CSMD1: variants seen among roughly 807,000 people sequenced by gnomAD.
The protein encoded by CSMD1 is CUB and Sushi multiple domains 1, also known as CUB and sushi domain-containing protein 1.
CSMD1 carries 213 observed loss-of-function variants against 417.5 expected under a neutral mutation model. That is an observed-to-expected ratio of 0.51 (90% confidence interval 0.46 to 0.57). The LOEUF is 0.57. Ranked by LOEUF, CSMD1 falls within the 20% of genes least tolerant of loss-of-function variation. The pLI is 0.00. For missense variants in CSMD1, 6,923 were observed against 4,529.7 expected, an observed-to-expected ratio of 1.53 and a Z score of -15.17; for synonymous variants, 2,862 against 1,736.8, an observed-to-expected ratio of 1.65 and a Z score of -16.11.
rs375242236 is a variant in CSMD1 at position 2,973,274 on chromosome 8, A to G, written c.8766T>C (p.Asp2922=). The change falls in exon 57 of 70, where the codon GAT becomes GAC. Residue 2922 remains aspartate, a synonymous_variant. Transcript: ENST00000635120. ...GAGACCCATGTGCTGGGGTCCCCGG[A>G]TCACCACAGAATCCAGGATTATTTC... ...CTGNNPGFCG[D]PGTPAHGSRL... 6.2e-6 allele frequency: 10 copies of G among 1,613,986 alleles called. No homozygotes were observed. The African/African-American group carries it at 6.7e-5, about 11-fold the overall frequency.
At chr8:3,974,829 T>A (rs1340844076) in intron 5 of CSMD1, among the ~76,000 whole-genome samples, 2 of 152,122 alleles carry the variant, frequency 1.3e-5, no homozygotes, top group Non-Finnish European at 2.9e-5. Context: ...ATGATGCAAT[T>A]AATGTTTTAC....
chr8:3,860,125 G>A (rs984225432), intron 5 of CSMD1, among the ~76,000 whole-genome samples: 8 of 152,234 alleles, frequency 5.3e-5, no homozygotes, highest in Admixed American at 5.2e-4. Flanking sequence ...GATCCCCTTT[G>A]AAGCTTAGAA....
intron 2 of CSMD1, among the ~76,000 whole-genome samples, chr8:4,546,456 C>T (rs1030579188): frequency 1.3e-5 from 2 of 152,130 alleles, no homozygotes; most frequent in Non-Finnish European, 2.9e-5. Flanking sequence ...TACCATTCCA[C>T]GGGCACCGAC....
At chr8:4,683,707 G>A (rs192257661) in intron 1 of CSMD1, among the ~76,000 whole-genome samples, 3 of 152,292 alleles carry the variant, frequency 2.0e-5, no homozygotes, top group Non-Finnish European at 4.4e-5. Flanking sequence ...GTCCCACCAG[G>A]GGTCCTGATT....
chr8:4,726,807 T>C (rs1036430057), intron 1 of CSMD1, among the ~76,000 whole-genome samples: 6 of 152,172 alleles, frequency 3.9e-5, no homozygotes, highest in Admixed American at 1.3e-4. Context: ...AACACAACAA[T>C]TGACTTGAAG....
intron 2 of CSMD1, among the ~76,000 whole-genome samples, chr8:4,587,085 TATATGACA>T (rs1464023244): frequency 1.3e-5 from 2 of 152,218 alleles, no homozygotes; most frequent in African/African-American, 4.8e-5. Flanking sequence ...TTTACTATTA[TATATGACA>T]ATATCCTACA....
chr8:4,337,464 T>C (rs138282564), intron 3 of CSMD1, among the ~76,000 whole-genome samples: 1 of 152,252 alleles, frequency 6.6e-6, no homozygotes, highest in East Asian at 1.9e-4. Context: ...CAAACCACAC[T>C]GTGATGGGAT....
chr8:4,042,808 A>G (rs1426019397), intron 3 of CSMD1, among the ~76,000 whole-genome samples: 1 of 126,624 alleles, frequency 7.9e-6, no homozygotes, highest in Non-Finnish European at 1.6e-5. Context: ...GAAGTGGTAC[A>G]ACATATTAAA....
intron 3 of CSMD1, among the ~76,000 whole-genome samples, chr8:4,112,362 G>A (rs892777984): frequency 1.3e-5 from 2 of 152,130 alleles, no homozygotes; most frequent in African/African-American, 4.8e-5. Context: ...GGGCTCCATC[G>A]CAGAGAACCC....
chr8:3,894,186 T>C (rs947243398), intron 5 of CSMD1, among the ~76,000 whole-genome samples: 13 of 152,206 alleles, frequency 8.5e-5, no homozygotes, highest in African/African-American at 2.7e-4. Flanking sequence ...TGTGTGTCTT[T>C]TGTTTGAATT....
At chr8:4,706,296 T>G (rs1466904343) in intron 1 of CSMD1, among the ~76,000 whole-genome samples, 1 of 152,074 alleles carries the variant, frequency 6.6e-6, no homozygotes, top group Non-Finnish European at 1.5e-5. Flanking sequence ...TTACCTTACA[T>G]GTACCCCATG....
chr8:3,478,081 T>C (rs958671218), intron 11 of CSMD1, among the ~76,000 whole-genome samples: 2 of 152,200 alleles, frequency 1.3e-5, no homozygotes, highest in Admixed American at 6.5e-5. Flanking sequence ...GAACAAGCTT[T>C]AGATTTCATT....
rs1585072510 is a variant in CSMD1, at chr8:2,971,551, G to A, written c.8923+1566C>T. Among the ~76,000 whole-genome samples the A allele has an allele frequency of 2.0e-5, 3 of 152,224 alleles. No individual in the cohort carries two copies. In the South Asian group the frequency reaches 6.2e-4, roughly 32 times the overall value. On this transcript the variant is annotated intron_variant, in intron 57 of 69. Coordinates refer to ENST00000635120, the MANE Select transcript of CSMD1 (RefSeq NM_033225.6). ...GTCTCTTTTCAGTGCCTCATATCGG[G>A]AAGATAGAACATCACCTTGTTAAAA... is the stretch of plus-strand genomic sequence containing the variant.
chr8:3,179,005 T>G (rs1369341830), intron 37 of CSMD1, among the ~76,000 whole-genome samples: 2 of 150,992 alleles, frequency 1.3e-5, no homozygotes, highest in Non-Finnish European at 2.9e-5. Flanking sequence ...TGGAGTGCAG[T>G]GGCGCGATCT....
At chr8:4,699,425 T>C (rs536916885) in intron 1 of CSMD1, among the ~76,000 whole-genome samples, 31 of 152,280 alleles carry the variant, frequency 2.0e-4, no homozygotes, top group Admixed American at 1.2e-3. Context: ...GCCTGTTCTA[T>C]TGTCAAGACC....
At chr8:4,197,823 G>A (rs1017328518) in intron 3 of CSMD1, among the ~76,000 whole-genome samples, 1 of 152,124 alleles carries the variant, frequency 6.6e-6, no homozygotes, top group African/African-American at 2.4e-5. Flanking sequence ...AGGTTGCAGT[G>A]AGCCAAGATA....
chr8:4,982,215 T>C (rs1158766534), intron 1 of CSMD1, among the ~76,000 whole-genome samples: 2 of 152,186 alleles, frequency 1.3e-5, no homozygotes, highest in Admixed American at 6.5e-5. Context: ...TATCAGGTAA[T>C]GCATGTGTGC....
intron 1 of CSMD1, among the ~76,000 whole-genome samples, chr8:4,976,861 A>C (rs1810591120): frequency 1.3e-5 from 2 of 152,162 alleles, no homozygotes; most frequent in Admixed American, 6.5e-5. Context: ...AACTGTGCTT[A>C]AAGAAATATA....
chr8:3,458,666 G>C (rs916135985), intron 12 of CSMD1, among the ~76,000 whole-genome samples: 2 of 152,170 alleles, frequency 1.3e-5, no homozygotes, highest in Non-Finnish European at 2.9e-5. Context: ...GAAAACAATA[G>C]CAACAATGAA....
Sources: gnomAD v4.1 joint callset for allele counts (sites outside exome capture counted in the v4.1 genomes callset) on GRCh38, gnomAD v4.1.1 for gene constraint, MANE v1.5 for transcripts, NCBI Gene and HGNC (gene_info 2026-07-23, HGNC 2026-07-21) for gene names.